GRAP2: variants seen among roughly 807,000 people sequenced by gnomAD.
GRAP2 encodes the protein GRB2-related adapter protein 2.
In GRAP2, 31 loss-of-function variants were observed where a neutral mutation model predicts 43.5. The observed-to-expected ratio is 0.71, with a 90% CI of 0.54 to 0.96. GRAP2 has a LOEUF of 0.96. GRAP2 is among the 40% of genes least tolerant of loss of function. The pLI, the probability that GRAP2 is intolerant of heterozygous loss-of-function variation, is 0.00. For synonymous variants in GRAP2, 156 were observed against 164.8 expected (o/e 0.95, Z 0.41); for missense variants, 371 against 424.4 (o/e 0.87, Z 1.11).
intron 1 of GRAP2, among the ~76,000 whole-genome samples, 163 bp downstream of exon 1, chr22:39,901,493 A>G (rs1264536322): frequency 6.6e-6 from 1 of 152,206 alleles, no homozygotes; most frequent in East Asian, 1.9e-4. Flanking sequence ...TGCTGTGACA[A>G]TGTTTGTGGT....
At chr22:39,932,636 T>G (rs1188074487) in intron 1 of GRAP2, among the ~76,000 whole-genome samples, 1 of 150,626 alleles carries the variant, frequency 6.6e-6, no homozygotes, top group Non-Finnish European at 1.5e-5. Flanking sequence ...GAGAATCACT[T>G]GAACCTGGGA....
intron 1 of GRAP2, among the ~76,000 whole-genome samples, chr22:39,935,261 G>C (rs1471611379): frequency 6.6e-6 from 1 of 152,104 alleles, no homozygotes; most frequent in African/African-American, 2.4e-5. Flanking sequence ...AGATGAAAGA[G>C]CTTTTGATTC....
chr22:39,955,776 G>A, intron 2 of GRAP2, 43 bp from the exon 3 acceptor site: 1 of 971,278 alleles, frequency 1.0e-6, no homozygotes, highest in Non-Finnish European at 1.7e-6. Context: ...TTTTTTTGGT[G>A]TCCTCCCTCC....
At chr22:39,968,592 C>G in intron 6 of GRAP2, 1 of 401,332 alleles carries the variant, frequency 2.5e-6, no homozygotes, top group East Asian at 4.1e-5. Context: ...CTATTCATGC[C>G]CCTTAGCCCA....
chr22:39,964,868 A>G (rs1395915132), intron 4 of GRAP2: 2 of 273,922 alleles, frequency 7.3e-6, no homozygotes, highest in East Asian at 7.0e-5. Flanking sequence ...TAAACTTTGT[A>G]TCACCTGAAA....
At chr22:39,907,915 G>A (rs769194629) in intron 1 of GRAP2, among the ~76,000 whole-genome samples, 1 of 152,160 alleles carries the variant, frequency 6.6e-6, no homozygotes, top group African/African-American at 2.4e-5. Context: ...CCGGGACGTA[G>A]CACCAAGCCT....
At chr22:39,934,316 A>G (rs1165347399) in intron 1 of GRAP2, among the ~76,000 whole-genome samples, 2 of 152,146 alleles carry the variant, frequency 1.3e-5, no homozygotes, top group African/African-American at 4.8e-5. Flanking sequence ...GTCAATGACA[A>G]CCTGGAGGAG....
chr22:39,950,341 C>G (rs1423226069), intron 2 of GRAP2, among the ~76,000 whole-genome samples: 2 of 152,328 alleles, frequency 1.3e-5, no homozygotes, highest in East Asian at 3.9e-4. Flanking sequence ...CAGGCCATGA[C>G]CCTGTGGTCT....
chr22:39,896,001 C>T, the GRAP2 span, among the ~76,000 whole-genome samples: 1 of 152,140 alleles, frequency 6.6e-6, no homozygotes. Flanking sequence ...TAGCTCTTTC[C>T]CCTACTCCAA....
chr22:39,922,694 GA>G (rs2066663301), intron 1 of GRAP2, among the ~76,000 whole-genome samples: 1 of 152,192 alleles, frequency 6.6e-6, no homozygotes, highest in South Asian at 2.1e-4. Context: ...GGGTTGTGGG[GA>G]AAGACGATAA....
At chr22:39,926,305 T>A (rs1325829038) in intron 1 of GRAP2, among the ~76,000 whole-genome samples, 2 of 152,076 alleles carry the variant, frequency 1.3e-5, no homozygotes, top group African/African-American at 4.8e-5. Context: ...CCTCTCAAGC[T>A]CCAAATTATG....
intron 1 of GRAP2, among the ~76,000 whole-genome samples, chr22:39,920,703 C>T (rs1227800239): frequency 6.6e-6 from 1 of 152,126 alleles, no homozygotes; most frequent in Non-Finnish European, 1.5e-5. Context: ...AAGATGCTGA[C>T]TCTCCAACCC....
intron 4 of GRAP2, chr22:39,964,602 T>G: frequency 1.3e-6 from 1 of 749,744 alleles, no homozygotes; most frequent in Non-Finnish European, 2.4e-6. Context: ...ACGGTGACCC[T>G]TTATTTCATC....
At chr22:39,968,390 C>G (rs138009) in intron 6 of GRAP2, 118 bp downstream of exon 6, 634,647 of 1,189,428 alleles carry the variant, frequency 0.53, 173,265 homozygotes, top group Middle Eastern at 0.6. Context: ...CTGGACCCCC[C>G]CAAATGGCAG....
In GRAP2 at chr22:39,971,006, C is replaced by T. The variant is rs565805515; in HGVS notation, c.915C>T (p.Asn305=). 4.3e-6 allele frequency: 7 copies of T among 1,613,648 alleles called. No homozygotes were observed. The highest frequency in any genetic ancestry group is 4.0e-5 in the African/African-American group (3 of 75,026). The change falls in exon 8 of 8, where the codon AAC becomes AAT. Residue 305 remains asparagine, a synonymous_variant. Coordinates refer to ENST00000344138, the MANE Select transcript of GRAP2 (RefSeq NM_004810.4). ...TGGTGGAGGTCCTGGATAGCTCCAA[C>T]CCATCCTGGTGGACCGGCCGCCTGC... ...GEVVEVLDSS[N]PSWWTGRLHN... is the part of the protein sequence containing the mutation.
chr22:39,901,715 G>C (rs2066494119), intron 1 of GRAP2, among the ~76,000 whole-genome samples: 1 of 152,184 alleles, frequency 6.6e-6, no homozygotes, highest in African/African-American at 2.4e-5. Flanking sequence ...GAGCAGTGAT[G>C]AATGAACACT....
At position 39,901,092 on chromosome 22, in the gene GRAP2, G is replaced by T; in HGVS notation, c.-253G>T. ...CTGTGTGGTTTGCCTACAGACTGCA[G>T]GGCTGACTAGGGTTAGTTTGGAGGA... On this transcript the variant is annotated 5_prime_UTR_variant, in exon 1 of 8. It adds an upstream start codon to the 5' untranslated region. Coordinates refer to ENST00000344138, the MANE Select transcript of GRAP2 (RefSeq NM_004810.4). 2.6e-6 allele frequency: 1 copy of T among 383,390 alleles called. No homozygotes were observed. The highest frequency in any genetic ancestry group is 5.2e-6 in the Non-Finnish European group (1 of 192,376). The allele number at this position is 383,390 out of a possible 1,614,324, so 23.7% of individuals were successfully genotyped here. A position where few individuals can be genotyped will look rare whatever the true frequency, so the allele number is the denominator to read the frequency against.
chr22:39,953,198 C>T (rs575419192), intron 2 of GRAP2, among the ~76,000 whole-genome samples: 22 of 152,334 alleles, frequency 1.4e-4, no homozygotes, highest in South Asian at 6.2e-4. Flanking sequence ...CTTAGCCTCT[C>T]TCCTGGGTCC....
intron 1 of GRAP2, among the ~76,000 whole-genome samples, chr22:39,905,431 C>T (rs1209899715): frequency 6.6e-6 from 1 of 152,032 alleles, no homozygotes; most frequent in Non-Finnish European, 1.5e-5. Flanking sequence ...AAGACAGCCT[C>T]GGTGTGAGCC....
Sources: allele counts gnomAD v4.1 joint callset (sites outside exome capture counted in the v4.1 genomes callset), GRCh38; gene constraint gnomAD v4.1.1; transcripts MANE v1.5; gene names NCBI Gene and HGNC (gene_info 2026-07-23, HGNC 2026-07-21).